ITPR2: variants seen among roughly 807,000 people sequenced by gnomAD.
ITPR2 encodes the protein inositol 1,4,5-trisphosphate-gated calcium channel ITPR2.
In ITPR2, 207 loss-of-function variants were observed where a neutral mutation model predicts 317.1. The ratio of observed to expected loss-of-function variants is 0.65; its 90% CI spans 0.58 to 0.73. The LOEUF is 0.73. Ranked by LOEUF, ITPR2 falls within the 30% of genes least tolerant of loss-of-function variation. The pLI is 0.00. For synonymous variants in ITPR2, 1,156 were observed against 1,149.1 expected (o/e 1.01, Z -0.12); for missense variants, 2,613 against 3,284.0 (o/e 0.80, Z 4.99).
chr12:26,816,154 CTTT>C (rs1950848955), intron 1 of ITPR2, among the ~76,000 whole-genome samples: 2 of 140,082 alleles, frequency 1.4e-5, no homozygotes, highest in Admixed American at 1.4e-4. Context: ...TACAGCAGAA[CTTT>C]TTAACATCAA....
chr12:26,681,744 A>G (rs1408495058), intron 13 of ITPR2, 130 bp downstream of exon 13: 4 of 599,316 alleles, frequency 6.7e-6, no homozygotes, highest in Non-Finnish European at 8.6e-6. Context: ...ATAAGTTCCC[A>G]TCTCATTCAG....
At chr12:26,701,345 T>A (rs1389727148) in intron 9 of ITPR2, among the ~76,000 whole-genome samples, 2 of 152,236 alleles carry the variant, frequency 1.3e-5, no homozygotes, top group Non-Finnish European at 2.9e-5. Flanking sequence ...GATCAATTTT[T>A]ATTATATATA....
At position 26,711,209 on chromosome 12, in the gene ITPR2, A is replaced by C; in HGVS notation, c.915T>G (p.Phe305Leu). 6.2e-7 allele frequency: 1 copy of C among 1,613,876 alleles called. No homozygotes were observed. The highest frequency in any genetic ancestry group is 1.1e-5 in the South Asian group (1 of 91,072). Reference sequence around the variant, plus strand: ...AATAGTTTCCAGTTGCAAGATGCTTAAATCTGAACAAGCTGTTCCACTGTC... The same window carrying C: ...AATAGTTTCCAGTTGCAAGATGCTTCAATCTGAACAAGCTGTTCCACTGTC... ...GAGQWNSLFR[F>L]KHLATGNYLA... The change falls in exon 9 of 57, where the codon TTT (phenylalanine) becomes TTG (leucine). Residue 305 changes from phenylalanine to leucine, a missense_variant. Physicochemically the swap from Phe to Leu is conservative, Grantham distance 22 (BLOSUM62 0). Transcript: ENST00000381340.
chr12:26,744,718 C>T (rs924539478), intron 2 of ITPR2, among the ~76,000 whole-genome samples: 2 of 152,152 alleles, frequency 1.3e-5, no homozygotes, highest in African/African-American at 2.4e-5. Flanking sequence ...TATTTTGGAT[C>T]GCAAACAGGA....
chr12:26,807,952 C>G (rs1388768900), intron 1 of ITPR2, among the ~76,000 whole-genome samples: 1 of 152,180 alleles, frequency 6.6e-6, no homozygotes, highest in Non-Finnish European at 1.5e-5. Context: ...CCTAACTAAG[C>G]TGGCTTCTTT....
chr12:26,365,759 T>C (rs1040866669), intron 55 of ITPR2, among the ~76,000 whole-genome samples: 8 of 152,166 alleles, frequency 5.3e-5, no homozygotes, highest in Non-Finnish European at 8.8e-5. Flanking sequence ...ACTAAGACAA[T>C]GTCAATGAAG....
intron 21 of ITPR2, among the ~76,000 whole-genome samples, chr12:26,653,529 C>T (rs1046387408): frequency 2.0e-5 from 3 of 152,144 alleles, no homozygotes; most frequent in Admixed American, 1.3e-4. Context: ...CGTGAGCCAC[C>T]GTGCCTGGCC....
chr12:26,464,323 G>T (rs1942115292), intron 45 of ITPR2, among the ~76,000 whole-genome samples: 1 of 152,200 alleles, frequency 6.6e-6, no homozygotes, highest in South Asian at 2.1e-4. Context: ...GGGTGAACAG[G>T]AGACAGTAAC....
intron 26 of ITPR2, among the ~76,000 whole-genome samples, chr12:26,606,773 A>T (rs1319039371): frequency 6.6e-6 from 1 of 151,994 alleles, no homozygotes; most frequent in African/African-American, 2.4e-5. Flanking sequence ...CTCTATAAAA[A>T]ATAAAAAAAA....
At chr12:26,666,959 T>A (rs975452843) in intron 13 of ITPR2, among the ~76,000 whole-genome samples, 2 of 152,162 alleles carry the variant, frequency 1.3e-5, no homozygotes, top group Admixed American at 1.3e-4. Flanking sequence ...ATTGGAAGGG[T>A]CAAGGCATTT....
rs1592032372 is a variant in ITPR2 at position 26,681,819 on chromosome 12, A to G, written c.1409+55T>C. On this transcript the variant is annotated intron_variant, in intron 13 of 56. Coordinates refer to ENST00000381340, the MANE Select transcript of ITPR2 (RefSeq NM_002223.4). ...AGAGTCATTCATTCATATCAGGCTT[A>G]CTATAACAATTGACAACTGACTCGT... 3.1e-6 allele frequency: 4 copies of G among 1,276,928 alleles called. No homozygotes were observed. The East Asian group carries it at 9.3e-5, about 30-fold the overall frequency. The allele number at this position is 1,276,928 out of a possible 1,614,324, so 79.1% of individuals were successfully genotyped here.
chr12:26,766,759 G>T (rs1363254515), intron 2 of ITPR2, among the ~76,000 whole-genome samples: 1 of 151,972 alleles, frequency 6.6e-6, no homozygotes, highest in Non-Finnish European at 1.5e-5. Context: ...TAGTTCTTAC[G>T]CTGAGGTCTA....
intron 54 of ITPR2, 24 bp downstream of exon 54, chr12:26,398,852 T>C: frequency 6.3e-7 from 1 of 1,589,304 alleles, no homozygotes; most frequent in Non-Finnish European, 8.5e-7. Flanking sequence ...TCATCTATTA[T>C]TTTAGCATCT....
intron 32 of ITPR2, among the ~76,000 whole-genome samples, chr12:26,589,571 G>A (rs1221851598): frequency 2.6e-5 from 4 of 151,100 alleles, no homozygotes; most frequent in Non-Finnish European, 5.9e-5. Context: ...GGCAGATCAC[G>A]AGGTCAGGGG....
At chr12:26,505,652 C>G (rs948187880) in intron 37 of ITPR2, among the ~76,000 whole-genome samples, 4 of 152,194 alleles carry the variant, frequency 2.6e-5, no homozygotes, top group Non-Finnish European at 5.9e-5. Flanking sequence ...CTATCACCCT[C>G]TATTAGATTA....
intron 37 of ITPR2, 55 bp downstream of exon 37, chr12:26,550,192 A>C: frequency 1.4e-6 from 1 of 694,274 alleles, no homozygotes; most frequent in Non-Finnish European, 2.4e-6. Context: ...CATAGGTTAC[A>C]GTATTGGGGA....
chr12:26,785,572 C>T (rs1261658589), intron 2 of ITPR2, among the ~76,000 whole-genome samples: 2 of 32,898 alleles, frequency 6.1e-5, no homozygotes, highest in African/African-American at 1.6e-4. Flanking sequence ...GTCAGCCCCC[C>T]GCCCGGCCAG....
chr12:26,337,802 A>G lies in ITPR2; in HGVS notation c.*1595T>C, dbSNP rs1452362594. On this transcript the variant is annotated 3_prime_UTR_variant, in exon 57 of 57. Transcript: ENST00000381340. ...TGGGGAGTACCAGTAGCTTCAGTTC[A>G]AAAATTCATTGCTCTGGGTCCCAAC... The G allele has an allele frequency of 6.6e-6, 1 of 152,220 alleles. No individual in the cohort carries two copies. Among genetic ancestry groups the G allele is most frequent in the Non-Finnish European group, 1.5e-5 (1 of 68,040 alleles). 9.4% of individuals were successfully genotyped at this position (152,220 alleles called of 1,614,324 possible). A position where few individuals can be genotyped will look rare whatever the true frequency, so the allele number is the denominator to read the frequency against.
chr12:26,824,298 C>A (rs555453142), intron 1 of ITPR2, among the ~76,000 whole-genome samples: 6 of 152,128 alleles, frequency 3.9e-5, no homozygotes, highest in Non-Finnish European at 8.8e-5. Context: ...TACTTTTGCA[C>A]CATCATCAAG....
Sources: allele counts gnomAD v4.1 joint callset (sites outside exome capture counted in the v4.1 genomes callset), GRCh38; gene constraint gnomAD v4.1.1; transcripts MANE v1.5; gene names NCBI Gene and HGNC (gene_info 2026-07-23, HGNC 2026-07-21).